The following CHERP variants were observed in gnomAD, a reference collection of about 807,000 sequenced individuals.
CHERP encodes ERPROT 213-21.
A neutral mutation model predicts 113.8 loss-of-function variants in CHERP; 8 were observed. The observed-to-expected ratio is 0.07, with a 90% confidence interval of 0.04 to 0.13. The LOEUF (loss-of-function observed/expected upper bound fraction) is 0.13, where lower values mean the gene tolerates loss of function less well. CHERP is among the 10% of genes least tolerant of loss of function. The pLI is 1.00. For missense variants in CHERP, 884 were observed against 1,298.2 expected, an observed-to-expected ratio of 0.68 and a Z score of 4.90; for synonymous variants, 559 against 524.5, an observed-to-expected ratio of 1.07 and a Z score of -0.90.
rs1432836298 is a variant in CHERP at position 16,530,129 on chromosome 19, A to T, written c.877-229T>A. On this transcript the variant is annotated intron_variant, in intron 7 of 16. Transcript: ENST00000546361. The surrounding 1 kb of genome is among the most constrained non-coding windows in gnomAD (Gnocchi z 4.1). ...CTGCAGCGTGTTTTACGACTCCCTG[A>T]TAACAGAACGAGCAACGACAGCCGT... Among the ~76,000 whole-genome samples the T allele has an allele frequency of 4.6e-5, 7 of 152,204 alleles. No homozygotes were observed. The highest frequency in any genetic ancestry group is 8.8e-5 in the Non-Finnish European group (6 of 68,046).
chr19:16,530,431 T>A lies in CHERP; in HGVS notation c.876+154A>T, dbSNP rs1193700648. Among the ~76,000 whole-genome samples, 1 of 152,202 alleles carries A rather than the reference T, an allele frequency of 6.6e-6. No homozygotes were observed. The highest frequency in any genetic ancestry group is 1.5e-5 in the Non-Finnish European group (1 of 68,032). On this transcript the variant is annotated intron_variant, in intron 7 of 16. Coordinates refer to ENST00000546361, the MANE Select transcript of CHERP (RefSeq NM_006387.6). This position sits in a 1 kb window ranked among gnomAD's most constrained non-coding sequence, Gnocchi z 4.1. ...AGGCCTGGGAAATGTCACCTGGGAC[T>A]CTCTGGTCAACACACACTGGCTACT...
chr19:16,541,810 G>A (rs2085781987), intron 2 of CHERP, 60 bp downstream of exon 2: 1 of 1,542,930 alleles, frequency 6.5e-7, no homozygotes, highest in South Asian at 1.2e-5. Flanking sequence ...GCAGAGCCCG[G>A]ACTGGAATCC....
rs1393983749 is a variant in CHERP at position 16,523,559 on chromosome 19, A to C, written c.1742-269T>G. On this transcript the variant is annotated intron_variant, in intron 10 of 16. Coordinates refer to ENST00000546361, the MANE Select transcript of CHERP (RefSeq NM_006387.6). The surrounding 1 kb of genome is among the most constrained non-coding windows in gnomAD (Gnocchi z 4.0). ...CCCCAAAACTGCACGGTGAGGGCTA[A>C]GTTGTGACCCTCCGAATCCATACGC... 6.6e-6 allele frequency among the ~76,000 whole-genome samples: 1 copy of C among 152,170 alleles called. No individual in the cohort carries two copies. Among genetic ancestry groups the C allele is most frequent in the African/African-American group, 2.4e-5 (1 of 41,450 alleles).
chr19:16,528,821 C>A (rs1374663610), intron 8 of CHERP, among the ~76,000 whole-genome samples: 1 of 152,232 alleles, frequency 6.6e-6, no homozygotes, highest in Non-Finnish European at 1.5e-5. Context: ...GGCATGGTTG[C>A]GTGCGCCTGT....
In CHERP at chr19:16,521,625, G is replaced by A; in HGVS notation, c.2010C>T (p.Asp670=). The A allele has an allele frequency of 1.2e-6, 2 of 1,607,044 alleles. No homozygotes were observed. Among genetic ancestry groups the A allele is most frequent in the Non-Finnish European group, 1.7e-6 (2 of 1,176,548 alleles). ...KLEDHEYKPL[D]PKDIRLPPPM... ...GGGGTGGGAGGCGGATGTCTTTAGG[G>A]TCCAAAGGCTTGTACTCGTGATCTT... The change falls in exon 12 of 17, where the codon GAC becomes GAT. Residue 670 remains aspartate (D), a synonymous_variant. Transcript: ENST00000546361.
Position 16,520,819 on chromosome 19 carries a change from C to G in CHERP, c.2201+7G>C, listed in dbSNP as rs1464300101. 6.2e-7 allele frequency: 1 copy of G among 1,613,534 alleles called. No homozygotes were observed. The highest frequency in any genetic ancestry group is 2.2e-5 in the East Asian group (1 of 44,880). On this transcript the variant is annotated splice_region_variant and intron_variant, in intron 13 of 16. Coordinates refer to ENST00000546361, the MANE Select transcript of CHERP (RefSeq NM_006387.6). This position sits in a 1 kb window ranked among gnomAD's most constrained non-coding sequence, Gnocchi z 4.0. ...CCCCCGGCCACTGCAGACATCTGCG[C>G]TTTTACCTGTTCCTCTTCTCCTGGC...
At chr19:16,542,252 G>A (rs2085785681) in intron 1 of CHERP, 102 bp downstream of exon 1, 9 of 1,187,200 alleles carry the variant, frequency 7.6e-6, no homozygotes, top group East Asian at 6.2e-5. Flanking sequence ...CCGCGAGGCC[G>A]AGCCCCGCCC....
At chr19:16,534,385 T>C (rs2085727658) in intron 3 of CHERP, among the ~76,000 whole-genome samples, 1 of 152,200 alleles carries the variant, frequency 6.6e-6, no homozygotes, top group Non-Finnish European at 1.5e-5. Context: ...TGTGATTTTA[T>C]GCCCTGAACC....
chr19:16,542,404 C>A lies in CHERP; in HGVS notation c.-26G>T. The A allele has an allele frequency of 7.4e-7, 1 of 1,349,972 alleles. No individual in the cohort carries two copies. The highest frequency in any genetic ancestry group is 2.2e-5 in the South Asian group (1 of 44,696). The allele number at this position is 1,349,972 out of a possible 1,614,324, so 83.6% of individuals were successfully genotyped here. A position where few individuals can be genotyped will look rare whatever the true frequency, so the allele number is the denominator to read the frequency against. On this transcript the variant is annotated 5_prime_UTR_variant, in exon 1 of 17. Transcript: ENST00000546361. ...GGCTCCGGCCGCGGGGAACGTCCTC[C>A]GGCGCCACACGATCGACCACCAGCG...
Position 16,520,208 on chromosome 19 carries a change from C to A in CHERP, c.2403G>T (p.Arg801=), listed in dbSNP as rs1262462359. 1 of 1,613,270 alleles carries A rather than the reference C, an allele frequency of 6.2e-7. No homozygotes were observed. Among genetic ancestry groups the A allele is most frequent in the Non-Finnish European group, 8.5e-7 (1 of 1,180,038 alleles). Residue 801 remains arginine, a synonymous_variant, in exon 15 of 17, where the codon CGG becomes CGT. Coordinates refer to ENST00000546361, the MANE Select transcript of CHERP (RefSeq NM_006387.6). This position sits in a 1 kb window ranked among gnomAD's most constrained non-coding sequence, Gnocchi z 4.0. The part of the protein sequence containing the change: ...RSRSRSQSRS[R]SKSYSPGRRR... ...TTCTTCCTGGGGAGTACGACTTGGA[C>A]CGGGACCGCGACTGGGACCGGGAGC... is the stretch of plus-strand genomic sequence containing the variant.
In CHERP at chr19:16,525,621, G is replaced by C. The variant is rs889798888; in HGVS notation, c.1362C>G (p.Pro454=). The C allele has an allele frequency of 2.1e-5, 32 of 1,531,674 alleles. No individual in the cohort carries two copies. Among genetic ancestry groups the C allele is most frequent in the Non-Finnish European group, 2.6e-5 (30 of 1,141,720 alleles). 94.9% of individuals were successfully genotyped at this position (1,531,674 alleles called of 1,614,324 possible). A position where few individuals can be genotyped will look rare whatever the true frequency, so the allele number is the denominator to read the frequency against. Residue 454 remains proline (P), a synonymous_variant, in exon 10 of 17, where the codon CCC becomes CCG. Coordinates refer to ENST00000546361, the MANE Select transcript of CHERP (RefSeq NM_006387.6). This position sits in a 1 kb window ranked among gnomAD's most constrained non-coding sequence, Gnocchi z 6.5. ...ACATGCCCTCATGGCTGTTGTTCCA[G>C]GGGGGGCAGTGGGGTGGGCCGCCCT... The part of the protein sequence containing the change: ...HHQGGPPHCP[P]WNNSHEGMWG...
At chr19:16,528,019 G>C in intron 9 of CHERP, 61 bp downstream of exon 9, 1 of 1,535,018 alleles carries the variant, frequency 6.5e-7, no homozygotes, top group Non-Finnish European at 8.9e-7. Flanking sequence ...TGGCATAGGG[G>C]AGGCTACCCC....
chr19:16,529,573 CT>C, intron 8 of CHERP, 74 bp downstream of exon 8: 1 of 1,489,354 alleles, frequency 6.7e-7, no homozygotes, highest in Admixed American at 2.0e-5. Context: ...TGGCAGACTG[CT>C]TTCTGACTAC....
Position 16,523,138 on chromosome 19 carries a change from G to T in CHERP, c.1894C>A (p.Pro632Thr). The T allele has an allele frequency of 1.3e-6, 2 of 1,557,040 alleles. No homozygotes were observed. Among genetic ancestry groups the T allele is most frequent in the Non-Finnish European group, 1.7e-6 (2 of 1,154,256 alleles). ...CTGGGGTCATCGTGGTTGATGTGGGGTGGGCCCTGTCGCCGCATGTGTGGG... is the reference window on the plus strand; with the variant it reads ...CTGGGGTCATCGTGGTTGATGTGGGTTGGGCCCTGTCGCCGCATGTGTGGG... ...QPPHMRRQGPPHINHDDPSLV... is the reference protein window; with the variant it reads ...QPPHMRRQGPTHINHDDPSLV... The change falls in exon 11 of 17, where the codon CCC becomes ACC. Residue 632 changes from proline (P) to threonine (T), a missense_variant. Physicochemically the swap from Pro to Thr is conservative, Grantham distance 38. Around this residue, in one of 8 missense-constraint regions of CHERP, gnomAD observed 464 missense variants for 590.1 expected, o/e 0.79. Transcript: ENST00000546361. The surrounding 1 kb of genome is among the most constrained non-coding windows in gnomAD (Gnocchi z 4.0).
At chr19:16,536,623 C>T (rs1399517669) in intron 2 of CHERP, among the ~76,000 whole-genome samples, 1 of 152,180 alleles carries the variant, frequency 6.6e-6, no homozygotes. Context: ...TGCACTGAAT[C>T]CCACCCCTCC....
Position 16,532,779 on chromosome 19 carries a change from C to G in CHERP, c.523-30G>C. 1.3e-6 allele frequency: 2 copies of G among 1,588,576 alleles called. No individual in the cohort carries two copies. The highest frequency in any genetic ancestry group is 1.7e-6 in the Non-Finnish European group (2 of 1,163,196). ...AACAACCGAGCCAATGACGAGTGAG[C>G]AGGGCCGCGGCTCCCCCAGGCACCC... is the stretch of plus-strand genomic sequence containing the variant. On this transcript the variant is annotated intron_variant, in intron 4 of 16. Transcript: ENST00000546361. The surrounding 1 kb of genome is among the most constrained non-coding windows in gnomAD (Gnocchi z 4.4).
At position 16,532,848 on chromosome 19, in the gene CHERP, A is replaced by G. The variant is rs769287035; in HGVS notation, c.523-99T>C. 155 of 1,545,312 alleles carry G rather than the reference A, an allele frequency of 1.0e-4. No individual in the cohort carries two copies. The highest frequency in any genetic ancestry group is 1.3e-4 in the Non-Finnish European group (148 of 1,140,780). On this transcript the variant is annotated intron_variant, in intron 4 of 16. Coordinates refer to ENST00000546361, the MANE Select transcript of CHERP (RefSeq NM_006387.6). The surrounding 1 kb of genome is among the most constrained non-coding windows in gnomAD (Gnocchi z 4.4). ...CGTCACCATCAGCTCAGGGAAGGAC[A>G]CACCATGAGCGTGGGGGGCACAGGG...
rs534493681 is a variant in CHERP, at chr19:16,518,502, G to C, written c.*657C>G. On this transcript the variant is annotated 3_prime_UTR_variant, in exon 17 of 17. Coordinates refer to ENST00000546361, the MANE Select transcript of CHERP (RefSeq NM_006387.6). The stretch of plus-strand genomic sequence containing the variant: ...AAATAACTGAACTAAGGGCCAGTAC[G>C]CCTTCGAAGAATTAGGTTTCAGAAT... The C allele has an allele frequency of 6.6e-6, 1 of 152,202 alleles. No individual in the cohort carries two copies. The highest frequency in any genetic ancestry group is 6.6e-5 in the Admixed American group (1 of 15,260). 9.4% of individuals were successfully genotyped at this position (152,202 alleles called of 1,614,324 possible).
rs368087931 is a variant in CHERP at position 16,542,406 on chromosome 19, G to C, written c.-28C>G. The C allele has an allele frequency of 5.5e-4, 740 of 1,351,056 alleles. No homozygotes were observed. Among genetic ancestry groups the C allele is most frequent in the Non-Finnish European group, 6.6e-4 (693 of 1,044,314 alleles). The allele number at this position is 1,351,056 out of a possible 1,614,324, so 83.7% of individuals were successfully genotyped here. ...CTCCGGCCGCGGGGAACGTCCTCCG[G>C]CGCCACACGATCGACCACCAGCGCC... is the stretch of plus-strand genomic sequence containing the variant. On this transcript the variant is annotated 5_prime_UTR_variant, in exon 1 of 17. Coordinates refer to ENST00000546361, the MANE Select transcript of CHERP (RefSeq NM_006387.6).
Sources: allele counts gnomAD v4.1 joint callset (sites outside exome capture counted in the v4.1 genomes callset), GRCh38; gene constraint gnomAD v4.1.1; regional missense constraint gnomAD v4.1.1; non-coding constraint Gnocchi (gnomAD v3.1); transcripts MANE v1.5; gene names NCBI Gene and HGNC (gene_info 2026-07-23, HGNC 2026-07-21).